CORO2B: variants seen among roughly 807,000 people sequenced by gnomAD.
The protein encoded by CORO2B is coronin-2B.
CORO2B carries 26 observed loss-of-function variants against 58.8 expected under a neutral mutation model. The observed-to-expected ratio is 0.44, with a 90% confidence interval of 0.32 to 0.61. CORO2B has a LOEUF of 0.61. CORO2B is among the 20% of genes least tolerant of loss of function. The probability of loss-of-function intolerance (pLI) is 0.04; values close to 1 mark genes in which losing one functional copy is unlikely to be tolerated. For missense variants in CORO2B, 460 were observed against 645.1 expected, an observed-to-expected ratio of 0.71 and a Z score of 3.11; for synonymous variants, 242 against 253.8, an observed-to-expected ratio of 0.95 and a Z score of 0.44.
intron 1 of CORO2B, among the ~76,000 whole-genome samples, chr15:68,581,065 G>T (rs1372670984): frequency 1.3e-5 from 2 of 152,174 alleles, no homozygotes; most frequent in Non-Finnish European, 2.9e-5. Flanking sequence ...GCTACTGGGG[G>T]ACTTCCATGG....
intron 1 of CORO2B, among the ~76,000 whole-genome samples, chr15:68,633,804 C>CGATG (rs768448128): frequency 3.9e-5 from 6 of 152,232 alleles, no homozygotes; most frequent in Non-Finnish European, 8.8e-5. Context: ...TCCATGCCAT[C>CGATG]CCCTGGCTGT....
chr15:68,605,117 GAA>G (rs141021846), intron 1 of CORO2B, among the ~76,000 whole-genome samples: 17 of 124,474 alleles, frequency 1.4e-4, no homozygotes, highest in Non-Finnish European at 1.4e-4. Context: ...CCGTCTCAAG[GAA>G]AAAAAAAAAA....
intron 2 of CORO2B, among the ~76,000 whole-genome samples, chr15:68,664,655 AC>A (rs1383735693): frequency 6.6e-6 from 1 of 152,122 alleles, no homozygotes; most frequent in Non-Finnish European, 1.5e-5. Flanking sequence ...TCAAAAAAAA[AC>A]CAAAAACCAA....
chr15:68,645,146 C>T lies in CORO2B; in HGVS notation c.16-14C>T, dbSNP rs367703627. ...GGGCCCAGCCTGACCCTTGTCTCTC[C>T]TGGCCCCTCACAGATGTCCTGGCGT... On this transcript the variant is annotated splice_polypyrimidine_tract_variant and intron_variant, in intron 1 of 11. Coordinates refer to ENST00000261861, the MANE Select transcript of CORO2B (RefSeq NM_006091.5). This position sits in a 1 kb window ranked among gnomAD's most constrained non-coding sequence, Gnocchi z 4.5. The T allele has an allele frequency of 1.9e-5, 31 of 1,613,040 alleles. No individual in the cohort carries two copies. The highest frequency in any genetic ancestry group is 4.0e-5 in the African/African-American group (3 of 74,944).
chr15:68,609,257 C>T (rs1047255960), intron 1 of CORO2B, among the ~76,000 whole-genome samples: 1 of 152,174 alleles, frequency 6.6e-6, no homozygotes, highest in Non-Finnish European at 1.5e-5. Context: ...GAAAGGGACA[C>T]ATTTGCTGTC....
At chr15:68,575,618 G>A (rs1205138060), upstream of CORO2B, among the ~76,000 whole-genome samples, 1 of 129,946 alleles carries the variant, frequency 7.7e-6, no homozygotes, top group African/African-American at 2.8e-5. Flanking sequence ...TTACAGGTGT[G>A]AGCCAACGCG....
At chr15:68,717,965 A>T (rs1893070772) in intron 8 of CORO2B, among the ~76,000 whole-genome samples, 1 of 152,172 alleles carries the variant, frequency 6.6e-6, no homozygotes, top group African/African-American at 2.4e-5. Context: ...CAGCCAAGGA[A>T]CTGGAAGCTC....
chr15:68,591,968 TG>T (rs1899718382), intron 1 of CORO2B, among the ~76,000 whole-genome samples: 1 of 152,154 alleles, frequency 6.6e-6, no homozygotes, highest in African/African-American at 2.4e-5. Context: ...CTCCTCTGGT[TG>T]GGGACTGCCT....
intron 5 of CORO2B, among the ~76,000 whole-genome samples, chr15:68,711,934 C>A (rs190582249): frequency 6.6e-6 from 1 of 152,166 alleles, no homozygotes; most frequent in Non-Finnish European, 1.5e-5. Context: ...CACTGCACCC[C>A]CTACCTCCAG....
intron 6 of CORO2B, 50 bp downstream of exon 6, chr15:68,714,091 C>A (rs1011146012): frequency 1.6e-6 from 2 of 1,224,650 alleles, no homozygotes; most frequent in Admixed American, 1.8e-5. Flanking sequence ...AGCATCGTTG[C>A]CTCGGAGGTC....
chr15:68,549,139 C>T, the CORO2B span, among the ~76,000 whole-genome samples: 1 of 152,128 alleles, frequency 6.6e-6, no homozygotes, highest in Non-Finnish European at 1.5e-5. Flanking sequence ...TATAGACTGT[C>T]AAGAAGAGGA....
At chr15:68,573,069 C>G in the CORO2B span, among the ~76,000 whole-genome samples, 2 of 152,126 alleles carry the variant, frequency 1.3e-5, no homozygotes, top group Non-Finnish European at 2.9e-5. Context: ...GAGGCAGCTG[C>G]TCAGGTGAGG....
At chr15:68,563,603 G>A in the CORO2B span, among the ~76,000 whole-genome samples, 6 of 152,068 alleles carry the variant, frequency 3.9e-5, no homozygotes, top group Admixed American at 1.3e-4. Flanking sequence ...ACAAAAGCTG[G>A]TTATTTGAAA....
chr15:68,532,494 A>AATGACTTTTTTG, the CORO2B span, among the ~76,000 whole-genome samples: 152 of 152,042 alleles, frequency 1.0e-3, no homozygotes, highest in African/African-American at 3.6e-3. Flanking sequence ...GTTCTTTTTT[A>AATGACTTTTTTG]TATCTTCTAT....
chr15:68,630,336 G>T (rs1376143307), intron 1 of CORO2B, among the ~76,000 whole-genome samples: 1 of 152,066 alleles, frequency 6.6e-6, no homozygotes, highest in East Asian at 1.9e-4. Flanking sequence ...CAACTTTTCC[G>T]GCAACTGCAT....
At chr15:68,570,259 G>A in the CORO2B span, among the ~76,000 whole-genome samples, 17 of 152,318 alleles carry the variant, frequency 1.1e-4, no homozygotes, top group African/African-American at 3.8e-4. Flanking sequence ...GTAACTTCAT[G>A]GGATCCTCGG....
At chr15:68,612,303 T>G (rs1900265359) in intron 1 of CORO2B, among the ~76,000 whole-genome samples, 1 of 152,236 alleles carries the variant, frequency 6.6e-6, no homozygotes, top group Admixed American at 6.5e-5. Context: ...TGTGGCATTC[T>G]TTGTGTATAG....
In CORO2B at chr15:68,645,247, C is replaced by G. The variant is rs1295214701; in HGVS notation, c.103C>G (p.Pro35Ala). The change falls in exon 2 of 12, where the codon CCC (proline) becomes GCC (alanine). Residue 35 changes from proline to alanine, a missense_variant. Transcript: ENST00000261861. The surrounding 1 kb of genome is among the most constrained non-coding windows in gnomAD (Gnocchi z 4.5). ...ANREHCFDGIPITKNVHDNHF... is the reference protein window; with the variant it reads ...ANREHCFDGIAITKNVHDNHF... The stretch of plus-strand genomic sequence containing the variant: ...CCGGGAGCACTGCTTCGATGGGATC[C>G]CCATCACCAAGAATGTGCACGACAA... 5.0e-6 allele frequency: 8 copies of G among 1,614,082 alleles called. No individual in the cohort carries two copies. The highest frequency in any genetic ancestry group is 5.9e-6 in the Non-Finnish European group (7 of 1,180,040).
intron 3 of CORO2B, 48 bp downstream of exon 3, chr15:68,695,304 T>C: frequency 7.1e-7 from 1 of 1,404,168 alleles, no homozygotes; most frequent in Non-Finnish European, 1.0e-6. Context: ...GGCCCCTCCC[T>C]GCTTCCTTTG....
Sources: gnomAD v4.1 joint callset for allele counts (sites outside exome capture counted in the v4.1 genomes callset) on GRCh38, gnomAD v4.1.1 for gene constraint, Gnocchi (gnomAD v3.1) non-coding constraint, MANE v1.5 for transcripts, NCBI Gene and HGNC (gene_info 2026-07-23, HGNC 2026-07-21) for gene names.